TERB1: variants seen among roughly 807,000 people sequenced by gnomAD.
TERB1 encodes telomere repeat binding bouquet formation protein 1, also known as telomere repeats-binding bouquet formation protein 1.
A neutral mutation model predicts 92.3 loss-of-function variants in TERB1; 63 were observed. The ratio of observed to expected loss-of-function variants is 0.68; its 90% confidence interval spans 0.56 to 0.84. TERB1 has a LOEUF of 0.84. Among genes scored for constraint, TERB1 ranks in the 40% least tolerant of loss-of-function variants. TERB1 has a pLI of 0.00. For synonymous variants in TERB1, 252 were observed against 283.9 expected (o/e 0.89, Z 1.13); for missense variants, 709 against 843.7 (o/e 0.84, Z 1.98).
intron 3 of TERB1, among the ~76,000 whole-genome samples, chr16:66,793,211 G>GTTT (rs1174263983): frequency 3.5e-3 from 324 of 93,514 alleles, no homozygotes; most frequent in Non-Finnish European, 4.4e-3. Flanking sequence ...TTGTGGTTTG[G>GTTT]TTTTTTTTTT....
At chr16:66,796,695 C>T in intron 3 of TERB1, 73 bp downstream of exon 3, 1 of 1,015,336 alleles carries the variant, frequency 9.8e-7, no homozygotes. Context: ...TTTCCTGGAT[C>T]CTGTCAGATA....
At chr16:66,778,799 C>T (rs1286906448) in intron 10 of TERB1, 64 bp downstream of exon 10, 1 of 1,274,708 alleles carries the variant, frequency 7.8e-7, no homozygotes, top group Non-Finnish European at 1.0e-6. Context: ...ACTATTTCAA[C>T]ACTCTTCATG....
Position 66,796,812 on chromosome 16 carries a change from CT to C in TERB1, c.-15del, listed in dbSNP as rs1959198182. On this transcript the variant is annotated 5_prime_UTR_variant, in exon 3 of 19. Transcript: ENST00000433154. ...TTCACTTTCCATGCTTGTCTATATT[CT>C]TTTTCCTTATATTTTGTCTATAAGA... The C allele has an allele frequency of 2.7e-6, 4 of 1,508,364 alleles. No individual in the cohort carries two copies. Among genetic ancestry groups the C allele is most frequent in the South Asian group, 1.2e-5 (1 of 82,686 alleles). 93.4% of individuals were successfully genotyped at this position (1,508,364 alleles called of 1,614,324 possible).
At chr16:66,774,622 ATGGG>A (rs760951067) in intron 12 of TERB1, among the ~76,000 whole-genome samples, 30 of 151,646 alleles carry the variant, frequency 2.0e-4, no homozygotes, top group Non-Finnish European at 3.4e-4. Context: ...TCTCTTCCAC[ATGGG>A]TTTGTATATG....
At chr16:66,769,409 G>A (rs553591210) in intron 14 of TERB1, among the ~76,000 whole-genome samples, 156 of 152,208 alleles carry the variant, frequency 1.0e-3, no homozygotes, top group African/African-American at 3.5e-3. Flanking sequence ...ACCAACAGAA[G>A]AGCACAACCC....
At chr16:66,785,089 G>A (rs2018706089) in intron 9 of TERB1, among the ~76,000 whole-genome samples, 1 of 144,530 alleles carries the variant, frequency 6.9e-6, no homozygotes, top group South Asian at 2.2e-4. Flanking sequence ...GTGTGATCTT[G>A]GCTCACTGCA....
rs574469218 is a variant in TERB1, at chr16:66,798,083, AAAAG to A, written c.-32-1257_-32-1254del. 3.9e-3 allele frequency among the ~76,000 whole-genome samples: 600 copies of A among 152,108 alleles called. 5 individuals carry two copies. The highest frequency in any genetic ancestry group is 0.014 in the African/African-American group (586 of 41,500). ...GCCTTGTCTCAAAAAGAAAAAAAAA[AAAAG>A]AAAATACCTAAGCACAAAGAAATGT... On this transcript the variant is annotated intron_variant, in intron 2 of 18. Transcript: ENST00000433154.
intron 18 of TERB1, among the ~76,000 whole-genome samples, chr16:66,757,509 C>T (rs1567463225): frequency 1.3e-5 from 2 of 152,198 alleles, no homozygotes; most frequent in Admixed American, 6.5e-5. Context: ...CATTTTCTAA[C>T]AATTACTATA....
rs1349666289 is a variant in TERB1, at chr16:66,770,061, C to T, written c.1521G>A (p.Glu507=). 6.4e-7 allele frequency: 1 copy of T among 1,551,732 alleles called. No individual in the cohort carries two copies. Among genetic ancestry groups the T allele is most frequent in the East Asian group, 2.4e-5 (1 of 40,928 alleles). ...SANPVHACYR[E]SEQNKTLYKA... ...TATATAAAGTCTTATTTTGCTCACT[C>T]TCCCTGTAACAAGCATGGACTGGAT... The change falls in exon 14 of 19, where the codon GAG becomes GAA. Residue 507 remains glutamate, a synonymous_variant. Coordinates refer to ENST00000433154, the MANE Select transcript of TERB1 (RefSeq NM_001136505.2).
At chr16:66,761,451 CAAAAAAAAA>C (rs376145995) in intron 16 of TERB1, among the ~76,000 whole-genome samples, 3 of 107,186 alleles carry the variant, frequency 2.8e-5, no homozygotes, top group Non-Finnish European at 5.3e-5. Context: ...GACTCTGTCT[CAAAAAAAAA>C]AAAAAAAAGA....
chr16:66,781,779 C>A (rs558590311), intron 9 of TERB1, among the ~76,000 whole-genome samples: 6 of 152,296 alleles, frequency 3.9e-5, no homozygotes, highest in African/African-American at 1.4e-4. Context: ...CTCGGCCTCC[C>A]AAAGTGCTGG....
At position 66,755,138 on chromosome 16, in the gene TERB1, A is replaced by G. The variant is rs1484779512; in HGVS notation, c.2022T>C (p.Phe674=). 9 of 1,546,096 alleles carry G rather than the reference A, an allele frequency of 5.8e-6. No individual in the cohort carries two copies. In the African/African-American group the frequency reaches 8.2e-5, roughly 14 times the overall value. Residue 674 remains phenylalanine (F), a synonymous_variant, in exon 19 of 19, where the codon TTT becomes TTC. Coordinates refer to ENST00000433154, the MANE Select transcript of TERB1 (RefSeq NM_001136505.2). ...AAAGGTAATTTACTTCTTCTTCAGT[A>G]AAGTTTTTGCGAATTCTTCTTTTTT... The part of the protein sequence containing the change: ...GIKKRRIRKN[F]TEEEVNYLFN...
At chr16:66,765,099 A>C (rs1170691877) in intron 16 of TERB1, among the ~76,000 whole-genome samples, 6 of 152,232 alleles carry the variant, frequency 3.9e-5, no homozygotes, top group African/African-American at 1.4e-4. Flanking sequence ...GTGAAGACTG[A>C]GTTCTATTCA....
chr16:66,801,830 G>A (rs1160482183), upstream of TERB1, among the ~76,000 whole-genome samples: 2 of 152,268 alleles, frequency 1.3e-5, no homozygotes, highest in African/African-American at 2.4e-5. Flanking sequence ...TTAGGGGACT[G>A]TGCACGCGGT....
intron 11 of TERB1, 50 bp from the exon 12 acceptor site, chr16:66,775,293 T>C (rs1381471429): frequency 6.9e-7 from 1 of 1,457,942 alleles, no homozygotes; most frequent in African/African-American, 1.4e-5. Context: ...AAACTATCTA[T>C]ATGAGGTCAT....
intron 11 of TERB1, 113 bp from the exon 12 acceptor site, chr16:66,775,356 AG>A (rs2018528330): frequency 2.1e-6 from 2 of 957,510 alleles, no homozygotes; most frequent in South Asian, 3.4e-5. Flanking sequence ...AAAATAGGCC[AG>A]GAACGGTGGC....
intron 18 of TERB1, among the ~76,000 whole-genome samples, chr16:66,758,054 T>C (rs923878296): frequency 6.6e-6 from 1 of 152,230 alleles, no homozygotes; most frequent in Non-Finnish European, 1.5e-5. Context: ...GTTCTTAAAA[T>C]AGAAATGTGA....
chr16:66,754,706 CCTTT>C lies in TERB1; in HGVS notation c.*266_*269del, dbSNP rs1471112087. The C allele has an allele frequency of 2.6e-6, 1 of 379,516 alleles. No homozygotes were observed. Among genetic ancestry groups the C allele is most frequent in the African/African-American group, 2.1e-5 (1 of 47,526 alleles). 23.5% of individuals were successfully genotyped at this position (379,516 alleles called of 1,614,324 possible). A position where few individuals can be genotyped will look rare whatever the true frequency, so the allele number is the denominator to read the frequency against. On this transcript the variant is annotated 3_prime_UTR_variant, in exon 19 of 19. Transcript: ENST00000433154. ...TAAAGGCTAATTCTTTTCTCTGTGT[CCTTT>C]AAGCTTAAGGAAAAATAAAAGCATA...
At chr16:66,794,418 G>T (rs990752287) in intron 3 of TERB1, among the ~76,000 whole-genome samples, 1 of 150,060 alleles carries the variant, frequency 6.7e-6, no homozygotes, top group African/African-American at 2.5e-5. Context: ...ACTTCTTTAC[G>T]TATTCCTCCA....
Sources: gnomAD v4.1 joint callset for allele counts (sites outside exome capture counted in the v4.1 genomes callset) on GRCh38, gnomAD v4.1.1 for gene constraint, MANE v1.5 for transcripts, NCBI Gene and HGNC (gene_info 2026-07-23, HGNC 2026-07-21) for gene names.